The following TEC variants were observed in gnomAD, a reference collection of about 807,000 sequenced individuals.
TEC encodes tyrosine-protein kinase Tec.
TEC carries 72 observed loss-of-function variants against 93.0 expected under a neutral mutation model. The observed-to-expected ratio is 0.77, with a 90% CI of 0.64 to 0.94. TEC has a LOEUF of 0.94. TEC is among the 40% of genes least tolerant of loss of function. TEC has a pLI of 0.00. For synonymous variants in TEC, 249 were observed against 247.7 expected, an observed-to-expected ratio of 1.01 and a Z score of -0.05; for missense variants, 630 against 757.9, an observed-to-expected ratio of 0.83 and a Z score of 1.98.
intron 2 of TEC, among the ~76,000 whole-genome samples, chr4:48,177,733 G>A (rs996463903): frequency 6.6e-6 from 1 of 152,162 alleles, no homozygotes; most frequent in Non-Finnish European, 1.5e-5. Context: ...CAATCCCCAT[G>A]TGTTGAGGGC....
chr4:48,201,812 C>T (rs1276907286), intron 2 of TEC, among the ~76,000 whole-genome samples: 1 of 152,086 alleles, frequency 6.6e-6, no homozygotes, highest in Non-Finnish European at 1.5e-5. Context: ...GGAGGGATCT[C>T]CATGCCAGAG....
chr4:48,234,816 A>G (rs1267646513), intron 1 of TEC, among the ~76,000 whole-genome samples: 1 of 152,200 alleles, frequency 6.6e-6, no homozygotes, highest in Non-Finnish European at 1.5e-5. Context: ...TAGGAGGAGA[A>G]GGAGGAAAAG....
At chr4:48,168,797 ACTG>A (rs1355692099) in intron 5 of TEC, among the ~76,000 whole-genome samples, 171 bp from the exon 6 acceptor site, 1 of 152,218 alleles carries the variant, frequency 6.6e-6, no homozygotes, top group Non-Finnish European at 1.5e-5. Flanking sequence ...AGAATTAAAA[ACTG>A]CTATTATAGC....
At chr4:48,226,634 C>A (rs1712608983) in intron 2 of TEC, among the ~76,000 whole-genome samples, 1 of 151,464 alleles carries the variant, frequency 6.6e-6, no homozygotes, top group Non-Finnish European at 1.5e-5. Flanking sequence ...TATAACATAC[C>A]AAATATGTGG....
intron 2 of TEC, among the ~76,000 whole-genome samples, chr4:48,201,577 T>C (rs1327210439): frequency 4.6e-5 from 7 of 152,080 alleles, no homozygotes; most frequent in Non-Finnish European, 8.8e-5. Flanking sequence ...AGATACACAC[T>C]AATTATTTAT....
intron 2 of TEC, among the ~76,000 whole-genome samples, chr4:48,213,075 G>A (rs1301969519): frequency 2.6e-5 from 4 of 152,116 alleles, no homozygotes; most frequent in African/African-American, 9.7e-5. Flanking sequence ...TTATGAGTAA[G>A]GAATTACACC....
intron 2 of TEC, among the ~76,000 whole-genome samples, chr4:48,228,007 T>C (rs1323060276): frequency 3.3e-5 from 5 of 152,164 alleles, no homozygotes; most frequent in African/African-American, 1.2e-4. Flanking sequence ...GTAGTAGCTG[T>C]TTATCATTAA....
At chr4:48,181,683 A>G (rs1444017209) in intron 2 of TEC, among the ~76,000 whole-genome samples, 2 of 110,786 alleles carry the variant, frequency 1.8e-5, no homozygotes, top group African/African-American at 3.2e-5. Flanking sequence ...AAAAAAAAAA[A>G]AAAAGAAAAA....
chr4:48,195,977 T>C (rs73138437), intron 2 of TEC, among the ~76,000 whole-genome samples: 2,044 of 152,302 alleles, frequency 0.013, 55 homozygotes, highest in African/African-American at 0.047. Context: ...TGTCTGCTTT[T>C]CTCTTCCTTA....
In TEC at chr4:48,228,441, T is replaced by C. The variant is rs373414453; in HGVS notation, c.138+36A>G. ...CAATATTATAAAATCGTTATCTACATAGAAAGCAGAAAAGTAAATCGTGAT... is the reference window on the plus strand; with the variant it reads ...CAATATTATAAAATCGTTATCTACACAGAAAGCAGAAAAGTAAATCGTGAT... On this transcript the variant is annotated intron_variant, in intron 2 of 17. Coordinates refer to ENST00000381501, the MANE Select transcript of TEC (RefSeq NM_003215.3). 11 of 1,540,388 alleles carry C rather than the reference T, an allele frequency of 7.1e-6. No homozygotes were observed. The African/African-American group carries it at 8.4e-5, about 12-fold the overall frequency.
At position 48,176,096 on chromosome 4, in the gene TEC, T is replaced by C; in HGVS notation, c.229A>G (p.Lys77Glu). The change falls in exon 3 of 18, where the codon AAG (lysine) becomes GAG (glutamate). Residue 77 changes from lysine to glutamate, a missense_variant. Lys to Glu is a moderately conservative substitution (Grantham distance 56, BLOSUM62 1). This residue lies in a region of TEC where 335 missense variants were observed against 351.5 expected (regional missense o/e 0.95). Transcript: ENST00000381501. ...CACCAGCTCACCTGAAATGGATACTTATTTTGACAGGGAATGACACCATCA... is the reference window on the plus strand; with the variant it reads ...CACCAGCTCACCTGAAATGGATACTCATTTTGACAGGGAATGACACCATCA... ...NDDGVIPCQN[K>E]YPFQVVHDAN... 1 of 1,613,698 alleles carries C rather than the reference T, an allele frequency of 6.2e-7. No individual in the cohort carries two copies. Among genetic ancestry groups the C allele is most frequent in the Non-Finnish European group, 8.5e-7 (1 of 1,179,698 alleles).
intron 8 of TEC, among the ~76,000 whole-genome samples, chr4:48,161,411 C>G (rs550196905): frequency 3.1e-4 from 47 of 151,810 alleles, no homozygotes; most frequent in Non-Finnish European, 4.9e-4. Context: ...CTTTCTTTTC[C>G]AGCACTGATC....
At chr4:48,161,264 C>T (rs112574322) in intron 8 of TEC, among the ~76,000 whole-genome samples, 1 of 152,126 alleles carries the variant, frequency 6.6e-6, no homozygotes, top group Non-Finnish European at 1.5e-5. Context: ...TAATTCTGCC[C>T]TTCTAACTAT....
intron 2 of TEC, among the ~76,000 whole-genome samples, chr4:48,218,397 T>C (rs1370773400): frequency 6.6e-6 from 1 of 152,180 alleles, no homozygotes; most frequent in Non-Finnish European, 1.5e-5. Context: ...TACCTCCTTA[T>C]GTGTCAGGAC....
intron 2 of TEC, among the ~76,000 whole-genome samples, chr4:48,199,905 A>G (rs1455042438): frequency 2.0e-5 from 3 of 152,206 alleles, no homozygotes; most frequent in Non-Finnish European, 4.4e-5. Flanking sequence ...ACTGATCCCC[A>G]TAACAACCCT....
intron 2 of TEC, among the ~76,000 whole-genome samples, chr4:48,195,172 A>G (rs1722255378): frequency 1.3e-5 from 2 of 152,180 alleles, no homozygotes; most frequent in Admixed American, 1.3e-4. Context: ...TTTGTTATAG[A>G]TAATGAGGTG....
intron 2 of TEC, among the ~76,000 whole-genome samples, chr4:48,192,400 T>C (rs1183728188): frequency 2.0e-5 from 3 of 152,120 alleles, no homozygotes; most frequent in Non-Finnish European, 4.4e-5. Flanking sequence ...TTTTAGGGGT[T>C]ATGGGCATAC....
chr4:48,166,670 C>A (rs1438670226), intron 7 of TEC, among the ~76,000 whole-genome samples: 1 of 151,528 alleles, frequency 6.6e-6, no homozygotes, highest in Non-Finnish European at 1.5e-5. Flanking sequence ...CTATTATATA[C>A]TTTTTGGATG....
intron 1 of TEC, among the ~76,000 whole-genome samples, chr4:48,243,841 T>C (rs1263703104): frequency 2.6e-5 from 4 of 151,602 alleles, no homozygotes; most frequent in East Asian, 1.9e-4. Context: ...GGTGGGGGAA[T>C]AGAATTAGGA....
Sources: allele counts gnomAD v4.1 joint callset (sites outside exome capture counted in the v4.1 genomes callset), GRCh38; gene constraint gnomAD v4.1.1; regional missense constraint gnomAD v4.1.1; transcripts MANE v1.5; gene names NCBI Gene and HGNC (gene_info 2026-07-23, HGNC 2026-07-21).